The following MALRD1 variants were observed in gnomAD, a reference collection of about 807,000 sequenced individuals.
MALRD1 encodes the protein MAM and LDL receptor class A domain containing 1.
MALRD1 carries 247 observed loss-of-function variants against 242.1 expected under a neutral mutation model. The ratio of observed to expected loss-of-function variants is 1.02; its 90% CI spans 0.92 to 1.13. The LOEUF is 1.13. Ranked by LOEUF, MALRD1 falls within the 50% of genes most tolerant of loss-of-function variation. The probability of loss-of-function intolerance (pLI) is 0.00; values close to 1 mark genes in which losing one functional copy is unlikely to be tolerated. For synonymous variants in MALRD1, 995 were observed against 866.6 expected, an observed-to-expected ratio of 1.15 and a Z score of -2.60; for missense variants, 2,989 against 2,533.1, an observed-to-expected ratio of 1.18 and a Z score of -3.86.
chr10:19,335,310 A>G (rs952653990), intron 24 of MALRD1, among the ~76,000 whole-genome samples: 2 of 151,986 alleles, frequency 1.3e-5, no homozygotes, highest in African/African-American at 4.8e-5. Flanking sequence ...CTCCTAGGAC[A>G]AACAAACAAA....
chr10:19,599,181 G>C (rs989165353), intron 34 of MALRD1, among the ~76,000 whole-genome samples: 5 of 152,130 alleles, frequency 3.3e-5, no homozygotes, highest in Admixed American at 2.0e-4. Context: ...GTTTTCAGTG[G>C]CTTTCTCATG....
chr10:19,404,478 C>G (rs1426536309), intron 28 of MALRD1, among the ~76,000 whole-genome samples: 7 of 152,024 alleles, frequency 4.6e-5, no homozygotes, highest in Admixed American at 3.9e-4. Flanking sequence ...CCTTGAAAAT[C>G]TTCCACTTAT....
rs539036200 is a variant in MALRD1 at position 19,600,225 on chromosome 10, G to A, written c.5944+4768G>A. Among the ~76,000 whole-genome samples the A allele has an allele frequency of 1.1e-4, 16 of 152,236 alleles. No individual in the cohort carries two copies. The South Asian group carries it at 3.1e-3, about 30-fold the overall frequency. On this transcript the variant is annotated intron_variant, in intron 34 of 39. Coordinates refer to ENST00000454679, the MANE Select transcript of MALRD1 (RefSeq NM_001142308.3). Reference sequence around the variant, plus strand: ...AAAGCTATGATCCCAACATCCGATAGTGATTTTGAACAACAGTGTAAAGAT... The same window carrying A: ...AAAGCTATGATCCCAACATCCGATAATGATTTTGAACAACAGTGTAAAGAT...
chr10:19,275,690 AATAAT>A (rs1352521328), intron 19 of MALRD1, among the ~76,000 whole-genome samples: 6 of 152,062 alleles, frequency 3.9e-5, no homozygotes, highest in African/African-American at 1.2e-4. Flanking sequence ...ATAAAAATAA[AATAAT>A]AAATAAAATC....
intron 22 of MALRD1, among the ~76,000 whole-genome samples, chr10:19,325,474 A>G (rs1843087601): frequency 6.6e-6 from 1 of 151,602 alleles, no homozygotes; most frequent in South Asian, 2.1e-4. Context: ...CTGGAATATT[A>G]ATTCAGATTC....
Position 19,531,217 on chromosome 10 carries a change from G to A in MALRD1, c.5344G>A (p.Val1782Ile), listed in dbSNP as rs533530466. Residue 1782 changes from valine to isoleucine, a missense_variant, in exon 32 of 40, where the codon GTC becomes ATC. Physicochemically the swap from Val to Ile is conservative, Grantham distance 29 (BLOSUM62 3). Transcript: ENST00000454679. ...AGGTAGTGGTCAGCACTTCCTGTAC[G>A]TCAACTCATCTGGCTCCAAGGAAGG... ...TPGSGQHFLYVNSSGSKEGSV... is the reference protein window; with the variant it reads ...TPGSGQHFLYINSSGSKEGSV... The A allele has an allele frequency of 4.8e-5, 75 of 1,549,960 alleles. No individual in the cohort carries two copies. Among genetic ancestry groups the A allele is most frequent in the South Asian group, 3.3e-4 (28 of 84,006 alleles).
intron 28 of MALRD1, among the ~76,000 whole-genome samples, chr10:19,428,797 A>T (rs1000471257): frequency 2.0e-5 from 3 of 152,218 alleles, no homozygotes. Flanking sequence ...TCAGAATAAG[A>T]TGAAATTAGC....
At chr10:19,229,679 C>T (rs1591327) in intron 18 of MALRD1, among the ~76,000 whole-genome samples, 26,036 of 152,000 alleles carry the variant, frequency 0.17, 2,283 homozygotes, top group Admixed American at 0.2. Context: ...TGATGAAAAA[C>T]AAGACAGAAA....
At chr10:19,627,258 A>T (rs559294884) in intron 36 of MALRD1, among the ~76,000 whole-genome samples, 1 of 152,288 alleles carries the variant, frequency 6.6e-6, no homozygotes, top group Admixed American at 6.5e-5. Context: ...AAAATAGCAT[A>T]CAAGAATAGT....
chr10:19,526,116 C>A (rs1246717334), intron 31 of MALRD1, among the ~76,000 whole-genome samples: 2 of 152,012 alleles, frequency 1.3e-5, no homozygotes, highest in Non-Finnish European at 2.9e-5. Context: ...GCTACATTGA[C>A]CTTCCCCAAG....
intron 29 of MALRD1, among the ~76,000 whole-genome samples, chr10:19,487,899 A>T (rs12776880): frequency 0.26 from 39,582 of 152,028 alleles, 5,695 homozygotes; most frequent in East Asian, 0.43. Context: ...GGTTTTAGCT[A>T]TTGTATTATG....
intron 13 of MALRD1, among the ~76,000 whole-genome samples, chr10:19,174,091 T>C (rs1224386799): frequency 6.6e-6 from 1 of 152,120 alleles, no homozygotes; most frequent in Non-Finnish European, 1.5e-5. Flanking sequence ...TGGACAATCA[T>C]GAAGAAATAC....
At chr10:19,625,769 T>C (rs1463147464) in intron 36 of MALRD1, among the ~76,000 whole-genome samples, 1 of 152,174 alleles carries the variant, frequency 6.6e-6, no homozygotes, top group Non-Finnish European at 1.5e-5. Flanking sequence ...TTAAAAATTG[T>C]GTATCTAAGT....
chr10:19,602,828 C>G (rs1274157197), intron 34 of MALRD1, among the ~76,000 whole-genome samples: 1 of 152,084 alleles, frequency 6.6e-6, no homozygotes. Flanking sequence ...TAAAAGTGTT[C>G]CTATTTCTCC....
intron 36 of MALRD1, among the ~76,000 whole-genome samples, chr10:19,647,891 C>G (rs988429416): frequency 6.6e-6 from 1 of 152,176 alleles, no homozygotes; most frequent in East Asian, 1.9e-4. Context: ...GGCTGCACCA[C>G]ACAGCAGTCC....
At chr10:19,076,876 A>G (rs922955626) in intron 2 of MALRD1, among the ~76,000 whole-genome samples, 4 of 151,910 alleles carry the variant, frequency 2.6e-5, no homozygotes, top group African/African-American at 9.7e-5. Flanking sequence ...TGGTAGATCA[A>G]TTTGGTAACT....
chr10:19,162,589 A>C (rs1051337618), intron 12 of MALRD1, among the ~76,000 whole-genome samples: 1 of 152,168 alleles, frequency 6.6e-6, no homozygotes, highest in Non-Finnish European at 1.5e-5. Flanking sequence ...ATCATTAGAG[A>C]AATTCAAATC....
At chr10:19,411,532 T>A (rs1833276254) in intron 28 of MALRD1, among the ~76,000 whole-genome samples, 1 of 152,230 alleles carries the variant, frequency 6.6e-6, no homozygotes, top group Non-Finnish European at 1.5e-5. Flanking sequence ...AAAGCTACCA[T>A]GATCATACTT....
At chr10:19,195,348 T>G (rs1361973309) in intron 14 of MALRD1, among the ~76,000 whole-genome samples, 1 of 152,208 alleles carries the variant, frequency 6.6e-6, no homozygotes, top group Non-Finnish European at 1.5e-5. Context: ...CATCTTTGCT[T>G]CTTTTTCTTT....
Sources: gnomAD v4.1 joint callset for allele counts (sites outside exome capture counted in the v4.1 genomes callset) on GRCh38, gnomAD v4.1.1 for gene constraint, MANE v1.5 for transcripts, NCBI Gene and HGNC (gene_info 2026-07-23, HGNC 2026-07-21) for gene names.